MYO5B: variants seen among roughly 807,000 people sequenced by gnomAD.
MYO5B encodes the protein myosin VB.
MYO5B carries 143 observed loss-of-function variants against 229.3 expected under a neutral mutation model. That is an observed-to-expected ratio of 0.62 (90% confidence interval 0.54 to 0.72). The LOEUF (loss-of-function observed/expected upper bound fraction) is 0.72. MYO5B is among the 30% of genes least tolerant of loss of function. The pLI, the probability that MYO5B is intolerant of heterozygous loss-of-function variation, is 0.00. For synonymous variants in MYO5B, 918 were observed against 885.2 expected, an observed-to-expected ratio of 1.04 and a Z score of -0.66; for missense variants, 2,321 against 2,331.0, an observed-to-expected ratio of 1.00 and a Z score of 0.09.
chr18:49,895,866 G>A (rs568833859), intron 21 of MYO5B, among the ~76,000 whole-genome samples: 3 of 152,292 alleles, frequency 2.0e-5, no homozygotes, highest in South Asian at 2.1e-4. Flanking sequence ...AGAAGCTATT[G>A]CTGGTATCAA....
chr18:50,094,798 T>C (rs903823227), intron 1 of MYO5B, among the ~76,000 whole-genome samples: 3 of 152,092 alleles, frequency 2.0e-5, no homozygotes, highest in African/African-American at 7.2e-5. Context: ...GAAACCAGGA[T>C]CTATTGCCTA....
intron 33 of MYO5B, among the ~76,000 whole-genome samples, chr18:49,846,843 T>C (rs2024134100): frequency 6.6e-6 from 1 of 152,046 alleles, no homozygotes. Context: ...GAAAGGGGGC[T>C]GTGGCTGCTG....
intron 1 of MYO5B, among the ~76,000 whole-genome samples, chr18:50,191,872 G>C (rs2033232219): frequency 6.6e-6 from 1 of 152,144 alleles, no homozygotes; most frequent in Admixed American, 6.5e-5. Flanking sequence ...GCCCCTATCA[G>C]GGCAACATGA....
In MYO5B at chr18:49,962,287, G is replaced by A; in HGVS notation, c.1524C>T (p.Asp508=). Residue 508 remains aspartate, a synonymous_variant, in exon 12 of 40, where the codon GAC becomes GAT. Coordinates refer to ENST00000285039, the MANE Select transcript of MYO5B (RefSeq NM_001080467.3). ...DLIEAKLGIL[D]LLDEECKVPK... ...TTACCTTACATTCTTCATCCAACAGGTCCAAGATACCCAGCTTGGCTTCAA... is the reference window on the plus strand; with the variant it reads ...TTACCTTACATTCTTCATCCAACAGATCCAAGATACCCAGCTTGGCTTCAA... 6.2e-7 allele frequency: 1 copy of A among 1,614,078 alleles called. No individual in the cohort carries two copies. The highest frequency in any genetic ancestry group is 8.5e-7 in the Non-Finnish European group (1 of 1,180,016).
intron 2 of MYO5B, 133 bp from the exon 3 acceptor site, chr18:50,040,447 G>T: frequency 1.0e-6 from 1 of 1,004,412 alleles, no homozygotes; most frequent in South Asian, 1.3e-5. Flanking sequence ...TTTAAAGAAA[G>T]ACAAGCTGAA....
chr18:50,071,070 C>T (rs1005720337), intron 1 of MYO5B, among the ~76,000 whole-genome samples: 1 of 152,190 alleles, frequency 6.6e-6, no homozygotes. Flanking sequence ...GCCATCCTCC[C>T]GCCTTGGCCT....
chr18:50,132,484 A>G (rs945814050), intron 1 of MYO5B, among the ~76,000 whole-genome samples: 1 of 152,266 alleles, frequency 6.6e-6, no homozygotes, highest in African/African-American at 2.4e-5. Flanking sequence ...GTGTAAATTA[A>G]TAATGCTGAT....
At chr18:49,892,818 C>T (rs377699352) in intron 22 of MYO5B, among the ~76,000 whole-genome samples, 4 of 152,146 alleles carry the variant, frequency 2.6e-5, no homozygotes, top group African/African-American at 9.7e-5. Flanking sequence ...TGAGTCATCT[C>T]CTGTTGGTTT....
chr18:49,950,938 G>C (rs2025424649), intron 14 of MYO5B, among the ~76,000 whole-genome samples: 1 of 152,166 alleles, frequency 6.6e-6, no homozygotes, highest in Non-Finnish European at 1.5e-5. Context: ...AGTTCACTGT[G>C]CCTAAATTGT....
At chr18:49,863,988 G>T (rs1005205328) in intron 28 of MYO5B, among the ~76,000 whole-genome samples, 153 bp downstream of exon 28, 4 of 152,186 alleles carry the variant, frequency 2.6e-5, no homozygotes, top group Admixed American at 6.5e-5. Context: ...GGGCAGCAAG[G>T]CTTTTGCTCT....
Position 49,936,346 on chromosome 18 carries a change from G to C in MYO5B, c.1909C>G (p.Arg637Gly). 1 of 1,590,908 alleles carries C rather than the reference G, an allele frequency of 6.3e-7. No homozygotes were observed. The part of the protein sequence containing the change: ...EHKKTVGHQF[R>G]TSLHLLMETL... ...TCCATGAGCAGATGCAGGGAGGTACGGAACTAGAGAGACAAAAGCCAGTGC... is the reference window on the plus strand; with the variant it reads ...TCCATGAGCAGATGCAGGGAGGTACCGAACTAGAGAGACAAAAGCCAGTGC... The change falls in exon 16 of 40, where the codon CGT becomes GGT. Residue 637 changes from arginine to glycine, a missense_variant. Physicochemically the swap from Arg to Gly is moderately radical, Grantham distance 125. This residue lies in a region of MYO5B where 2,113 missense variants were observed against 2,044.7 expected (regional missense o/e 1.03). Coordinates refer to ENST00000285039, the MANE Select transcript of MYO5B (RefSeq NM_001080467.3).
chr18:50,152,109 C>T (rs559067377), intron 1 of MYO5B, among the ~76,000 whole-genome samples: 1 of 152,294 alleles, frequency 6.6e-6, no homozygotes, highest in Non-Finnish European at 1.5e-5. Flanking sequence ...ATTCCTCAGC[C>T]AAAGACCAAT....
intron 26 of MYO5B, among the ~76,000 whole-genome samples, chr18:49,874,983 C>T (rs539885935): frequency 3.3e-5 from 5 of 152,324 alleles, no homozygotes; most frequent in East Asian, 1.9e-4. Flanking sequence ...TTCTCCCAGA[C>T]GTAACATCTA....
chr18:50,020,633 G>A (rs987124620), intron 4 of MYO5B, among the ~76,000 whole-genome samples: 3 of 152,236 alleles, frequency 2.0e-5, no homozygotes, highest in Non-Finnish European at 4.4e-5. Flanking sequence ...CCAGGAGTCA[G>A]AAGACACGCA....
intron 39 of MYO5B, among the ~76,000 whole-genome samples, chr18:49,831,997 G>A (rs561978735): frequency 6.6e-6 from 1 of 152,278 alleles, no homozygotes; most frequent in African/African-American, 2.4e-5. Flanking sequence ...AATATCGTAT[G>A]AGCCAACTTA....
intron 14 of MYO5B, chr18:49,946,117 TAAA>T (rs57216254): frequency 0.58 from 86,503 of 150,356 alleles, 25,211 homozygotes; most frequent in Middle Eastern, 0.73. Context: ...GCTTTTACTG[TAAA>T]AAAAAAAAAA....
At chr18:49,963,741 T>C (rs1041982020) in intron 10 of MYO5B, among the ~76,000 whole-genome samples, 25 of 151,510 alleles carry the variant, frequency 1.7e-4, no homozygotes, top group African/African-American at 3.4e-4. Context: ...CCTTCTATTA[T>C]CATCATTTAA....
At chr18:49,840,719 A>G (rs1279874668) in intron 35 of MYO5B, among the ~76,000 whole-genome samples, 1 of 152,238 alleles carries the variant, frequency 6.6e-6, no homozygotes, top group African/African-American at 2.4e-5. Context: ...GGCAGAGTGC[A>G]GAGCATGGGA....
intron 4 of MYO5B, among the ~76,000 whole-genome samples, chr18:50,006,775 C>A (rs542184927): frequency 6.6e-6 from 1 of 152,216 alleles, no homozygotes; most frequent in East Asian, 1.9e-4. Flanking sequence ...TGGCAGGGCA[C>A]CTGAGGTCAC....
Sources: allele counts gnomAD v4.1 joint callset (sites outside exome capture counted in the v4.1 genomes callset), GRCh38; gene constraint gnomAD v4.1.1; regional missense constraint gnomAD v4.1.1; transcripts MANE v1.5; gene names NCBI Gene and HGNC (gene_info 2026-07-23, HGNC 2026-07-21).